Variants in PAK6 observed in about 807,000 individuals in gnomAD.
PAK6 encodes the protein p21 (RAC1) activated kinase 6.
In PAK6, 33 loss-of-function variants were observed where a neutral mutation model predicts 60.8. The observed-to-expected ratio is 0.54, with a 90% CI of 0.41 to 0.73. The LOEUF is 0.73. Ranked by LOEUF, PAK6 falls within the 30% of genes least tolerant of loss-of-function variation. The pLI is 0.00. For missense variants in PAK6, 845 were observed against 904.1 expected (o/e 0.93, Z 0.84); for synonymous variants, 404 against 378.5 (o/e 1.07, Z -0.78).
chr15:40,275,474 C>T (rs2039432135), intron 10 of PAK6, among the ~76,000 whole-genome samples: 1 of 151,786 alleles, frequency 6.6e-6, no homozygotes, highest in African/African-American at 2.4e-5. Context: ...TTAGTAGAGA[C>T]AGGGTTTCGC....
exon 5 of PAK6, chr15:40,266,137 G>A (rs925312360): frequency 2.1e-5 from 34 of 1,609,644 alleles, no homozygotes; most frequent in Non-Finnish European, 2.5e-5. Context: ...CAGAGCCCAC[G>A]GGTCCTGCCC....
intron 5 of PAK6, among the ~76,000 whole-genome samples, chr15:40,267,424 A>G (rs1349406028): frequency 6.6e-6 from 1 of 152,186 alleles, no homozygotes; most frequent in Non-Finnish European, 1.5e-5. Context: ...TTGGGAGGCC[A>G]AGGTGGATGG....
At chr15:40,264,302 C>A in intron 3 of PAK6, 1 of 352,988 alleles carries the variant, frequency 2.8e-6, no homozygotes, top group Non-Finnish European at 5.6e-6. Context: ...TTCATAGTTA[C>A]GTTCCTAAAT....
chr15:40,248,395 C>T lies in PAK6; in HGVS notation c.-117-4783C>T, dbSNP rs148641470. ...CCAAGAGTGCCTCTCTCCCAGGCTT[C>T]GGGCTCCAGGGTGAGTGGGCAGCGA... On this transcript the variant is annotated intron_variant, in intron 2 of 10. Coordinates refer to ENST00000560346, the Ensembl canonical transcript of PAK6. Among the ~76,000 whole-genome samples, 1,264 of 152,286 alleles carry T rather than the reference C, an allele frequency of 8.3e-3. 12 individuals are homozygous for T. The highest frequency in any genetic ancestry group is 0.028 in the African/African-American group (1,179 of 41,554).
exon 5 of PAK6, chr15:40,265,889 G>A (rs1486865736): frequency 1.9e-6 from 3 of 1,574,380 alleles, no homozygotes; most frequent in South Asian, 2.3e-5. Context: ...ACATCTCGGG[G>A]CTGCTCAACG....
At chr15:40,252,211 G>A in intron 2 of PAK6, 5 of 1,150,380 alleles carry the variant, frequency 4.3e-6, no homozygotes, top group Non-Finnish European at 4.4e-6. Flanking sequence ...GCTCAGGTCC[G>A]GGAGAGTCGG....
intron 3 of PAK6, chr15:40,256,866 A>G (rs1459083394): frequency 6.6e-6 from 1 of 152,266 alleles, no homozygotes; most frequent in African/African-American, 2.4e-5. Context: ...GACGACCGTG[A>G]GAAATATCCA....
chr15:40,260,763 C>G (rs974937319), intron 3 of PAK6, among the ~76,000 whole-genome samples: 1 of 152,146 alleles, frequency 6.6e-6, no homozygotes, highest in Non-Finnish European at 1.5e-5. Context: ...TGAACCTTCT[C>G]ATCTATGAAC....
chr15:40,243,214 A>G (rs576255541), intron 2 of PAK6, among the ~76,000 whole-genome samples: 1 of 152,336 alleles, frequency 6.6e-6, no homozygotes, highest in East Asian at 1.9e-4. Context: ...GTTGAGAATG[A>G]CAAACAAAGG....
chr15:40,270,819 C>T (rs907911778), intron 5 of PAK6, among the ~76,000 whole-genome samples: 10 of 152,294 alleles, frequency 6.6e-5, no homozygotes, highest in South Asian at 2.1e-4. Flanking sequence ...GCATGGCTGT[C>T]GGCCAGCAGG....
intron 3 of PAK6, among the ~76,000 whole-genome samples, chr15:40,256,206 C>T (rs1262060609): frequency 6.6e-6 from 1 of 152,066 alleles, no homozygotes; most frequent in African/African-American, 2.4e-5. Context: ...GCCTGGGCGA[C>T]TGAGTGAGAC....
chr15:40,273,353 G>C (rs1293198742), exon 8 of PAK6: 2 of 1,613,750 alleles, frequency 1.2e-6, no homozygotes, highest in South Asian at 2.2e-5. Flanking sequence ...CAGGCTGAAT[G>C]AGGAGCAGAT....
At chr15:40,272,555 T>C in exon 6 of PAK6, 1 of 1,613,610 alleles carries the variant, frequency 6.2e-7, no homozygotes, top group Non-Finnish European at 8.5e-7. Flanking sequence ...CTCAGGATGG[T>C]GGTGGACCAG....
chr15:40,274,791 CA>C (rs2039403876), intron 10 of PAK6, among the ~76,000 whole-genome samples: 1 of 152,220 alleles, frequency 6.6e-6, no homozygotes, highest in African/African-American at 2.4e-5. Context: ...GAAGTGTATA[CA>C]TGTAACCCTT....
At chr15:40,253,273 G>A (rs1210884882) in exon 3 of PAK6, 1 of 455,870 alleles carries the variant, frequency 2.2e-6, no homozygotes, top group Non-Finnish European at 4.4e-6. Flanking sequence ...CGAGGAAGAG[G>A]CGGAAGGCGC....
intron 2 of PAK6, chr15:40,247,427 T>C (rs1453154686): frequency 6.6e-6 from 1 of 152,192 alleles, no homozygotes; most frequent in Non-Finnish European, 1.5e-5. Context: ...CTTCCCAGGG[T>C]AGCCCAGGAT....
intron 5 of PAK6, among the ~76,000 whole-genome samples, chr15:40,271,026 G>GT (rs2039286414): frequency 6.6e-6 from 1 of 152,240 alleles, no homozygotes; most frequent in South Asian, 2.1e-4. Context: ...GAGATTTCCT[G>GT]TAAGTTGTTT....
At chr15:40,253,991 G>A (rs545486202) in intron 3 of PAK6, among the ~76,000 whole-genome samples, 2 of 152,158 alleles carry the variant, frequency 1.3e-5, no homozygotes, top group African/African-American at 4.8e-5. Context: ...ATAGGTTGCC[G>A]CATTGGATAA....
chr15:40,264,553 T>C, intron 3 of PAK6: 2 of 628,598 alleles, frequency 3.2e-6, no homozygotes, highest in South Asian at 3.3e-5. Context: ...CTTTTCCTTG[T>C]TTATAGTCTG....
Sources: gnomAD v4.1 joint callset for allele counts (sites outside exome capture counted in the v4.1 genomes callset) on GRCh38, gnomAD v4.1.1 for gene constraint, MANE v1.5 for transcripts, NCBI Gene and HGNC (gene_info 2026-07-23, HGNC 2026-07-21) for gene names.